Variants in CHSY3 observed in about 807,000 individuals in gnomAD.
CHSY3 encodes chondroitin sulfate synthase 3, also known as N-acetylgalactosaminyl-proteoglycan 3-beta-glucuronosyltransferase 3.
In CHSY3, 35 loss-of-function variants were observed where a neutral mutation model predicts 67.2. The observed-to-expected ratio is 0.52, with a 90% confidence interval of 0.40 to 0.69. The LOEUF (loss-of-function observed/expected upper bound fraction) is 0.69, where lower values mean the gene tolerates loss of function less well. Among genes scored for constraint, CHSY3 ranks in the 30% least tolerant of loss-of-function variants. CHSY3 has a pLI of 0.00. For synonymous variants in CHSY3, 474 were observed against 434.7 expected, an observed-to-expected ratio of 1.09 and a Z score of -1.12; for missense variants, 1,069 against 1,138.5, an observed-to-expected ratio of 0.94 and a Z score of 0.88.
intron 2 of CHSY3, among the ~76,000 whole-genome samples, chr5:130,019,176 T>A (rs1406933042): frequency 6.6e-6 from 1 of 152,140 alleles, no homozygotes; most frequent in African/African-American, 2.4e-5. Context: ...CATTGTATTC[T>A]CACTTAAATA....
chr5:130,148,734 T>C (rs1285684290), intron 2 of CHSY3, among the ~76,000 whole-genome samples: 1 of 152,238 alleles, frequency 6.6e-6, no homozygotes, highest in African/African-American at 2.4e-5. Flanking sequence ...TGCCCGCTTT[T>C]TAATGGGGTT....
At chr5:130,045,764 C>T (rs1228753088) in intron 2 of CHSY3, among the ~76,000 whole-genome samples, 4 of 152,066 alleles carry the variant, frequency 2.6e-5, no homozygotes, top group Admixed American at 6.6e-5. Context: ...AGTACATTTT[C>T]GGAGATGGAA....
intron 2 of CHSY3, among the ~76,000 whole-genome samples, chr5:130,029,201 C>T (rs987493642): frequency 6.6e-6 from 1 of 152,088 alleles, no homozygotes; most frequent in Non-Finnish European, 1.5e-5. Context: ...TTGTTCTACC[C>T]AAGTCTCTTG....
Position 130,184,462 on chromosome 5 carries a change from C to A in CHSY3, c.1320C>A (p.Ser440Arg). 1.9e-6 allele frequency: 3 copies of A among 1,613,416 alleles called. No homozygotes were observed. The highest frequency in any genetic ancestry group is 2.5e-6 in the Non-Finnish European group (3 of 1,179,392). The change falls in exon 3 of 3, where the codon AGC (serine) becomes AGA (arginine). Residue 440 changes from serine to arginine, a missense_variant. This residue lies in a region of CHSY3 where 401 missense variants were observed against 395.2 expected (regional missense o/e 1.01). Coordinates refer to ENST00000305031, the MANE Select transcript of CHSY3 (RefSeq NM_175856.5). ...GCAAGCTCAGTAACACAGAAGTGAG[C>A]AAAGAGGACCAGCAGCTGGGAGTGA... ...LMSKLSNTEVSKEDQQLGVIP... is the reference protein window; with the variant it reads ...LMSKLSNTEVRKEDQQLGVIP...
At chr5:129,975,316 C>T (rs1270851752) in intron 2 of CHSY3, among the ~76,000 whole-genome samples, 1 of 152,122 alleles carries the variant, frequency 6.6e-6, no homozygotes, top group African/African-American at 2.4e-5. Flanking sequence ...CTTCAGTTTT[C>T]AAACTATATG....
intron 2 of CHSY3, among the ~76,000 whole-genome samples, chr5:130,080,037 TACAC>T (rs35994744): frequency 1.3e-3 from 187 of 143,390 alleles, no homozygotes; most frequent in Middle Eastern, 7.2e-3. Context: ...CACCTGAACA[TACAC>T]ACACACACAC....
chr5:130,096,996 G>C (rs989942570), intron 2 of CHSY3, among the ~76,000 whole-genome samples: 1 of 151,962 alleles, frequency 6.6e-6, no homozygotes, highest in African/African-American at 2.4e-5. Flanking sequence ...TTAGTATTTG[G>C]TGTGCTGCTT....
intron 2 of CHSY3, among the ~76,000 whole-genome samples, chr5:130,094,232 A>T (rs1237002312): frequency 2.6e-5 from 4 of 152,108 alleles, no homozygotes; most frequent in African/African-American, 9.7e-5. Context: ...TGAACTATAA[A>T]CTTCTTAAGA....
At chr5:130,028,161 A>G (rs930122722) in intron 2 of CHSY3, among the ~76,000 whole-genome samples, 3 of 152,140 alleles carry the variant, frequency 2.0e-5, no homozygotes, top group African/African-American at 4.8e-5. Flanking sequence ...ATTGGAAAAA[A>G]CTACTTTAAA....
intron 2 of CHSY3, among the ~76,000 whole-genome samples, chr5:129,999,098 G>T (rs1163999816): frequency 6.7e-6 from 1 of 148,226 alleles, no homozygotes; most frequent in African/African-American, 2.5e-5. Context: ...TTGGAAGAGT[G>T]AAATACAGAT....
intron 2 of CHSY3, among the ~76,000 whole-genome samples, chr5:130,181,143 G>A (rs1231644008): frequency 1.3e-5 from 2 of 152,076 alleles, no homozygotes; most frequent in Non-Finnish European, 2.9e-5. Context: ...CATTGCTGCT[G>A]TGATTTTGTT....
intron 2 of CHSY3, among the ~76,000 whole-genome samples, chr5:130,154,118 T>C (rs1470732452): frequency 6.6e-6 from 1 of 152,108 alleles, no homozygotes; most frequent in Non-Finnish European, 1.5e-5. Context: ...GGTTTCATCA[T>C]ATTGGTCAGG....
At chr5:130,090,639 T>C (rs1298935728) in intron 2 of CHSY3, among the ~76,000 whole-genome samples, 1 of 152,204 alleles carries the variant, frequency 6.6e-6, no homozygotes, top group Non-Finnish European at 1.5e-5. Context: ...CTGGAGAACA[T>C]GTATCACGTT....
intron 2 of CHSY3, among the ~76,000 whole-genome samples, chr5:129,995,518 T>C (rs1344617475): frequency 6.6e-6 from 1 of 151,770 alleles, no homozygotes; most frequent in African/African-American, 2.4e-5. Context: ...TTTTCTTTTT[T>C]TTTTTTCTGA....
chr5:130,103,104 C>A (rs1341000627), intron 2 of CHSY3, among the ~76,000 whole-genome samples: 2 of 152,024 alleles, frequency 1.3e-5, no homozygotes, highest in African/African-American at 4.8e-5. Context: ...TGGATTCAGC[C>A]AGATGAACAT....
At chr5:130,176,959 T>G (rs1449317398) in intron 2 of CHSY3, among the ~76,000 whole-genome samples, 1 of 152,106 alleles carries the variant, frequency 6.6e-6, no homozygotes, top group Non-Finnish European at 1.5e-5. Context: ...TATCTGCACA[T>G]GTATCCCAGA....
Position 129,904,769 on chromosome 5 carries a change from CG to C in CHSY3, c.-57del. The C allele has an allele frequency of 1.8e-5, 23 of 1,300,562 alleles. No homozygotes were observed. Among genetic ancestry groups the C allele is most frequent in the Non-Finnish European group, 2.1e-5 (22 of 1,025,974 alleles). The allele number at this position is 1,300,562 out of a possible 1,614,324, so 80.6% of individuals were successfully genotyped here. A position where few individuals can be genotyped will look rare whatever the true frequency, so the allele number is the denominator to read the frequency against. On this transcript the variant is annotated 5_prime_UTR_variant, in exon 1 of 3. Coordinates refer to ENST00000305031, the MANE Select transcript of CHSY3 (RefSeq NM_175856.5). ...AGGCGGAGGAGGGGCGGGTGTGAGC[CG>C]GGGAAACCGCGTGCCGCGCCGCGAC...
chr5:130,165,486 T>C (rs560218562), intron 2 of CHSY3, among the ~76,000 whole-genome samples: 11 of 152,290 alleles, frequency 7.2e-5, no homozygotes, highest in African/African-American at 2.6e-4. Context: ...TTAATGTTAA[T>C]GTACTATTAA....
chr5:130,150,914 G>A (rs983856450), intron 2 of CHSY3, among the ~76,000 whole-genome samples: 1 of 152,066 alleles, frequency 6.6e-6, no homozygotes, highest in Admixed American at 6.6e-5. Flanking sequence ...AAATAATACA[G>A]TATTTCTTAA....
Sources: gnomAD v4.1 joint callset for allele counts (sites outside exome capture counted in the v4.1 genomes callset) on GRCh38, gnomAD v4.1.1 for gene constraint, gnomAD v4.1.1 regional missense constraint, MANE v1.5 for transcripts, NCBI Gene and HGNC (gene_info 2026-07-23, HGNC 2026-07-21) for gene names.